Variants in NRXN1 observed in about 807,000 individuals in gnomAD.
The protein encoded by NRXN1 is neurexin-1.
A neutral mutation model predicts 150.9 loss-of-function variants in NRXN1; 39 were observed. That is an observed-to-expected ratio of 0.26 (90% confidence interval 0.20 to 0.34). The LOEUF (loss-of-function observed/expected upper bound fraction) is 0.34, where lower values mean the gene tolerates loss of function less well. Ranked by LOEUF, NRXN1 falls within the 10% of genes least tolerant of loss-of-function variation. The probability of loss-of-function intolerance (pLI) is 1.00; values close to 1 mark genes in which losing one functional copy is unlikely to be tolerated. For synonymous variants in NRXN1, 924 were observed against 757.0 expected (o/e 1.22, Z -3.62); for missense variants, 1,815 against 1,949.9 (o/e 0.93, Z 1.30).
intron 18 of NRXN1, among the ~76,000 whole-genome samples, chr2:50,143,622 A>G (rs1198169829): frequency 2.0e-5 from 3 of 151,916 alleles, no homozygotes; most frequent in Admixed American, 2.0e-4. Flanking sequence ...CCCATTCATA[A>G]TATCACTCCC....
chr2:50,939,155 G>A (rs1329517050), intron 2 of NRXN1, among the ~76,000 whole-genome samples: 1 of 139,204 alleles, frequency 7.2e-6, no homozygotes, highest in Non-Finnish European at 1.5e-5. Context: ...AGCTTGCAGT[G>A]AGCTGAGATC....
At chr2:50,975,462 C>A (rs548883562) in intron 2 of NRXN1, among the ~76,000 whole-genome samples, 196 of 152,202 alleles carry the variant, frequency 1.3e-3, no homozygotes, top group African/African-American at 4.5e-3. Context: ...TGCAAACTGG[C>A]ACCAAATGTC....
intron 8 of NRXN1, among the ~76,000 whole-genome samples, chr2:50,553,386 T>C (rs1478884241): frequency 1.3e-5 from 2 of 152,244 alleles, no homozygotes; most frequent in African/African-American, 4.8e-5. Context: ...TTCATAGTTG[T>C]CTATGATATT....
chr2:50,450,596 G>T (rs1043359257), intron 17 of NRXN1, among the ~76,000 whole-genome samples: 1 of 152,136 alleles, frequency 6.6e-6, no homozygotes, highest in Non-Finnish European at 1.5e-5. Context: ...TCTCAGTAAG[G>T]TAATTTACCA....
intron 21 of NRXN1, among the ~76,000 whole-genome samples, chr2:50,045,955 T>A (rs952080910): frequency 6.6e-6 from 1 of 152,182 alleles, no homozygotes; most frequent in African/African-American, 2.4e-5. Flanking sequence ...CATTCTCAAG[T>A]TGAAAAATTA....
chr2:50,794,989 A>AT (rs1706600525), intron 5 of NRXN1, among the ~76,000 whole-genome samples: 1 of 151,998 alleles, frequency 6.6e-6, no homozygotes, highest in Non-Finnish European at 1.5e-5. Context: ...AAAGAACTAT[A>AT]TTTTTTCCAA....
chr2:50,495,047 AAG>A lies in NRXN1; in HGVS notation c.3070+856_3070+857del, dbSNP rs200242936. Among the ~76,000 whole-genome samples, 675 of 151,846 alleles carry A rather than the reference AAG, an allele frequency of 4.4e-3. 2 individuals carry two copies. Among genetic ancestry groups the A allele is most frequent in the African/African-American group, 0.016 (647 of 41,368 alleles). On this transcript the variant is annotated intron_variant, in intron 15 of 22. Transcript: ENST00000401669. ...CTCTGTCTCCAAAAAAAAAAAAAAA[AAG>A]AGAGTTAAATTTTCTCTTTCCAGTT... is the stretch of plus-strand genomic sequence containing the variant.
intron 21 of NRXN1, among the ~76,000 whole-genome samples, 172 bp from the exon 22 acceptor site, chr2:49,943,963 A>G (rs1467233833): frequency 6.6e-6 from 1 of 152,210 alleles, no homozygotes; most frequent in Non-Finnish European, 1.5e-5. Flanking sequence ...GTAACTGCCT[A>G]TTTGTGAAAA....
At chr2:50,300,702 T>C (rs983892418) in intron 17 of NRXN1, among the ~76,000 whole-genome samples, 3 of 152,156 alleles carry the variant, frequency 2.0e-5, no homozygotes, top group African/African-American at 7.2e-5. Context: ...ATCTTGTTTT[T>C]GTTTTTGTTT....
chr2:50,955,934 C>A (rs1692211559), intron 2 of NRXN1, among the ~76,000 whole-genome samples: 1 of 152,138 alleles, frequency 6.6e-6, no homozygotes, highest in African/African-American at 2.4e-5. Context: ...GTCTGCCGGG[C>A]AGCAGCTGGG....
intron 5 of NRXN1, among the ~76,000 whole-genome samples, chr2:50,746,623 A>G (rs1191458356): frequency 6.6e-6 from 1 of 152,092 alleles, no homozygotes; most frequent in Non-Finnish European, 1.5e-5. Flanking sequence ...TTCAAGTACA[A>G]TTCACAAAGG....
intron 18 of NRXN1, among the ~76,000 whole-genome samples, chr2:50,183,349 G>C (rs2152813744): frequency 6.6e-6 from 1 of 152,088 alleles, no homozygotes; most frequent in Middle Eastern, 3.4e-3. Context: ...TTATCGACAA[G>C]TGTAATAAAA....
intron 17 of NRXN1, among the ~76,000 whole-genome samples, chr2:50,370,378 A>C (rs1029940311): frequency 3.9e-5 from 6 of 152,018 alleles, no homozygotes; most frequent in Non-Finnish European, 8.8e-5. Flanking sequence ...TCTTAACAAG[A>C]AACTAAGCAA....
At chr2:50,076,498 T>A (rs1697121894) in intron 19 of NRXN1, among the ~76,000 whole-genome samples, 1 of 152,200 alleles carries the variant, frequency 6.6e-6, no homozygotes, top group East Asian at 1.9e-4. Context: ...ACTGTCATTG[T>A]CCCCACTTTT....
At chr2:50,229,475 T>C (rs2152868837) in intron 18 of NRXN1, among the ~76,000 whole-genome samples, 1 of 152,194 alleles carries the variant, frequency 6.6e-6, no homozygotes, top group East Asian at 1.9e-4. Flanking sequence ...GTGTTTAGAG[T>C]TCTGCAAAGC....
chr2:50,729,717 G>A (rs1697849229), intron 5 of NRXN1, among the ~76,000 whole-genome samples: 1 of 152,172 alleles, frequency 6.6e-6, no homozygotes, highest in Non-Finnish European at 1.5e-5. Flanking sequence ...CGGGGACTGG[G>A]TAGAGTTGCT....
chr2:50,472,869 G>A (rs1262436713), intron 15 of NRXN1, among the ~76,000 whole-genome samples: 2 of 150,292 alleles, frequency 1.3e-5, no homozygotes, highest in Non-Finnish European at 3.0e-5. Flanking sequence ...TAGTATCATT[G>A]TTTCTAAAAT....
chr2:50,323,901 G>C (rs1483992162), intron 17 of NRXN1, among the ~76,000 whole-genome samples: 1 of 152,116 alleles, frequency 6.6e-6, no homozygotes, highest in Non-Finnish European at 1.5e-5. Flanking sequence ...CTAGGAAAGG[G>C]GGGTACCAAC....
chr2:50,932,011 A>T (rs1687820203), intron 2 of NRXN1, among the ~76,000 whole-genome samples: 1 of 151,818 alleles, frequency 6.6e-6, no homozygotes, highest in Admixed American at 6.6e-5. Flanking sequence ...ACAGGCACCC[A>T]CCACCATGCT....
Sources: gnomAD v4.1 joint callset for allele counts (sites outside exome capture counted in the v4.1 genomes callset) on GRCh38, gnomAD v4.1.1 for gene constraint, MANE v1.5 for transcripts, NCBI Gene and HGNC (gene_info 2026-07-23, HGNC 2026-07-21) for gene names.